The following SAXO4 variants were observed in gnomAD, a reference collection of about 807,000 sequenced individuals.
SAXO4 encodes the protein stabilizer of axonemal microtubules 4, also known as protein phosphatase 1 regulatory subunit 32.
At chr11:61,485,899 C>T in the SAXO4 span, 3 of 1,613,174 alleles carry the variant, frequency 1.9e-6, no homozygotes, top group East Asian at 4.5e-5. Context: ...CACAGGCCCT[C>T]CCTGGGGACC....
chr11:61,487,374 A>G, the SAXO4 span: 1 of 767,410 alleles, frequency 1.3e-6, no homozygotes, highest in Admixed American at 2.2e-5. Flanking sequence ...GCATACCCTA[A>G]GCCAAGGATT....
At chr11:61,484,779 AG>A in the SAXO4 span, 8 of 1,610,652 alleles carry the variant, frequency 5.0e-6, no homozygotes, top group Non-Finnish European at 6.8e-6. Context: ...CACCAGCAGC[AG>A]GGCCAGGACC....
the SAXO4 span, chr11:61,485,523 C>T: frequency 2.2e-6 from 2 of 916,222 alleles, no homozygotes; most frequent in Non-Finnish European, 3.3e-6. Context: ...AAGAAGGATG[C>T]ACAGGTGGCT....
At chr11:61,490,457 C>T in the SAXO4 span, 11 of 1,558,256 alleles carry the variant, frequency 7.1e-6, no homozygotes, top group Non-Finnish European at 8.0e-6. Flanking sequence ...GGTCCATGCC[C>T]TGCCTGCCAA....
At chr11:61,485,697 T>A in the SAXO4 span, 64 of 886,806 alleles carry the variant, frequency 7.2e-5, 1 homozygote, top group Admixed American at 1.8e-4. Context: ...GTCTCCAGGA[T>A]CTTGGGATCC....
the SAXO4 span, among the ~76,000 whole-genome samples, chr11:61,488,344 G>A: frequency 1.5e-5 from 2 of 133,156 alleles, no homozygotes; most frequent in African/African-American, 2.9e-5. Context: ...TCTCTCTGTC[G>A]TCCAGGCTGG....
the SAXO4 span, chr11:61,485,456 C>T: frequency 2.0e-6 from 3 of 1,510,888 alleles, no homozygotes; most frequent in Middle Eastern, 1.7e-4. Flanking sequence ...CACCTCCCTA[C>T]TTGCTACCCC....
At chr11:61,484,555 A>G in the SAXO4 span, 2 of 1,136,544 alleles carry the variant, frequency 1.8e-6, no homozygotes, top group South Asian at 1.5e-5. Context: ...GAGAGGGGAC[A>G]TGCAGGTTTC....
the SAXO4 span, chr11:61,486,392 A>T: frequency 6.2e-7 from 1 of 1,613,824 alleles, no homozygotes; most frequent in Non-Finnish European, 8.5e-7. Flanking sequence ...CCTCCCCAAG[A>T]CTCACCTACA....
the SAXO4 span, chr11:61,484,649 G>C: frequency 6.2e-7 from 1 of 1,608,820 alleles, no homozygotes; most frequent in Non-Finnish European, 8.5e-7. Flanking sequence ...GGGAGTGACT[G>C]CCGCCCCCTC....
At chr11:61,485,808 A>C in the SAXO4 span, 12 of 1,613,562 alleles carry the variant, frequency 7.4e-6, no homozygotes, top group Non-Finnish European at 9.3e-6. Flanking sequence ...GATTTCTTGC[A>C]GAAGAAATCG....
the SAXO4 span, among the ~76,000 whole-genome samples, chr11:61,487,430 G>A: frequency 2.6e-5 from 4 of 152,194 alleles, no homozygotes; most frequent in Non-Finnish European, 5.9e-5. Context: ...TGTGGGAGTG[G>A]AGAAGAGGGA....
the SAXO4 span, chr11:61,486,730 G>A: frequency 9.5e-7 from 1 of 1,052,204 alleles, no homozygotes; most frequent in Non-Finnish European, 1.4e-6. Flanking sequence ...GGATGTGGAG[G>A]TAGGCCCTCA....
chr11:61,482,588 G>A, the SAXO4 span: 10 of 1,609,720 alleles, frequency 6.2e-6, no homozygotes, highest in African/African-American at 4.0e-5. Flanking sequence ...GGTGCAGGGA[G>A]GAGGGAAGCT....
the SAXO4 span, chr11:61,486,688 C>A: frequency 7.4e-7 from 1 of 1,351,528 alleles, no homozygotes; most frequent in Non-Finnish European, 1.1e-6. Flanking sequence ...TTGGGTCAGG[C>A]ATTGAAGAAT....
chr11:61,486,404 G>A, the SAXO4 span: 2 of 1,614,074 alleles, frequency 1.2e-6, no homozygotes, highest in African/African-American at 1.3e-5. Flanking sequence ...TCACCTACAT[G>A]TAAGCTGAGC....
At chr11:61,489,457 G>GA in the SAXO4 span, 1 of 559,612 alleles carries the variant, frequency 1.8e-6, no homozygotes, top group East Asian at 2.9e-5. Context: ...GAAGGAAATG[G>GA]AAATGAAATG....
chr11:61,484,640 G>T, the SAXO4 span: 3 of 1,605,098 alleles, frequency 1.9e-6, no homozygotes. Flanking sequence ...GCAGAGTCAG[G>T]GAGTGACTGC....
chr11:61,490,567 C>T, the SAXO4 span: 6 of 1,613,826 alleles, frequency 3.7e-6, no homozygotes, highest in Non-Finnish European at 5.1e-6. Flanking sequence ...TGGCACACAG[C>T]TGAGCCCTGA....
Sources: gnomAD v4.1 joint callset for allele counts (sites outside exome capture counted in the v4.1 genomes callset) on GRCh38, gnomAD v4.1.1 for gene constraint, MANE v1.5 for transcripts, NCBI Gene and HGNC (gene_info 2026-07-23, HGNC 2026-07-21) for gene names.